SCN9A: variants seen among roughly 807,000 people sequenced by gnomAD.
SCN9A encodes the protein sodium channel protein type 9 subunit alpha.
SCN9A carries 131 observed loss-of-function variants against 187.0 expected under a neutral mutation model. The observed-to-expected ratio is 0.70, with a 90% CI of 0.61 to 0.81. The LOEUF (loss-of-function observed/expected upper bound fraction) is 0.81. Ranked by LOEUF, SCN9A falls within the 30% of genes least tolerant of loss-of-function variation. The pLI is 0.00. For synonymous variants in SCN9A, 809 were observed against 808.6 expected, an observed-to-expected ratio of 1.00 and a Z score of -0.01; for missense variants, 2,252 against 2,396.6, an observed-to-expected ratio of 0.94 and a Z score of 1.26.
At chr2:166,335,492 C>A (rs1045490767) in intron 1 of SCN9A, among the ~76,000 whole-genome samples, 1 of 152,108 alleles carries the variant, frequency 6.6e-6, no homozygotes, top group Non-Finnish European at 1.5e-5. Context: ...TTAGTGTGGA[C>A]ACTGGAGTAA....
chr2:166,199,214 G>C lies in SCN9A; in HGVS notation c.5425C>G (p.Leu1809Val), dbSNP rs199954555. 5.0e-6 allele frequency: 8 copies of C among 1,614,044 alleles called. No individual in the cohort carries two copies. Among genetic ancestry groups the C allele is most frequent in the Non-Finnish European group, 6.8e-6 (8 of 1,180,044 alleles). The part of the protein sequence containing the change: ...FSKLSDFAAA[L>V]DPPLLIAKPN... Reference sequence around the variant, plus strand: ...TTTGCTATGAGAAGAGGAGGATCCAGGGCAGCTGCAAAATCAGAGAGTTTA... The same window carrying C: ...TTTGCTATGAGAAGAGGAGGATCCACGGCAGCTGCAAAATCAGAGAGTTTA... Residue 1809 changes from leucine to valine, a missense_variant, in exon 27 of 27, where the codon CTG becomes GTG. Physicochemically the swap from Leu to Val is conservative, Grantham distance 32 (BLOSUM62 1). Transcript: ENST00000642356.
chr2:166,299,970 CA>C (rs759836705), intron 7 of SCN9A, among the ~76,000 whole-genome samples: 6 of 150,792 alleles, frequency 4.0e-5, no homozygotes, highest in Non-Finnish European at 8.8e-5. Flanking sequence ...GCAAGCTCTA[CA>C]GACTTTGTAT....
At chr2:166,294,906 C>A (rs1381262161) in intron 7 of SCN9A, among the ~76,000 whole-genome samples, 5 of 151,978 alleles carry the variant, frequency 3.3e-5, no homozygotes, top group Admixed American at 1.3e-4. Flanking sequence ...TTTTATGAGA[C>A]CTCCTTTATG....
chr2:166,315,560 G>A (rs1407465856), intron 1 of SCN9A, among the ~76,000 whole-genome samples: 1 of 152,214 alleles, frequency 6.6e-6, no homozygotes, highest in Non-Finnish European at 1.5e-5. Context: ...TGAAATGGAA[G>A]TTGAAGAGAC....
chr2:166,276,909 A>G lies in SCN9A; in HGVS notation c.2874+74T>C, dbSNP rs183996597. Reference sequence around the variant, plus strand: ...TAGATATAATTAATTATAAAATTATAAAAATAATAGATCACATCATCACAA... The same window carrying G: ...TAGATATAATTAATTATAAAATTATGAAAATAATAGATCACATCATCACAA... On this transcript the variant is annotated intron_variant, in intron 16 of 26. Coordinates refer to ENST00000642356, the MANE Select transcript of SCN9A (RefSeq NM_001365536.1). The G allele has an allele frequency of 3.3e-5, 37 of 1,112,030 alleles. No homozygotes were observed. In the Admixed American group the frequency reaches 9.9e-4, roughly 30 times the overall value. The allele number at this position is 1,112,030 out of a possible 1,614,324, so 68.9% of individuals were successfully genotyped here.
chr2:166,196,145 C>T lies in SCN9A; in HGVS notation c.*2527G>A, dbSNP rs905674994. Reference sequence around the variant, plus strand: ...GTATTGTTGGGTGTAATAAGTTCAGCGATTATAAAATTTAAATATTAATAT... The same window carrying T: ...GTATTGTTGGGTGTAATAAGTTCAGTGATTATAAAATTTAAATATTAATAT... On this transcript the variant is annotated 3_prime_UTR_variant, in exon 27 of 27. Coordinates refer to ENST00000642356, the MANE Select transcript of SCN9A (RefSeq NM_001365536.1). 6 of 151,880 alleles carry T rather than the reference C, an allele frequency of 4.0e-5. No individual in the cohort carries two copies. Among genetic ancestry groups the T allele is most frequent in the South Asian group, 2.1e-4 (1 of 4,816 alleles). 9.4% of individuals were successfully genotyped at this position (151,880 alleles called of 1,614,324 possible).
chr2:166,283,612 C>T (rs115439062), intron 12 of SCN9A, among the ~76,000 whole-genome samples: 1 of 152,138 alleles, frequency 6.6e-6, no homozygotes, highest in Non-Finnish European at 1.5e-5. Context: ...TTTGGAACTG[C>T]TGTAAAATGA....
chr2:166,338,727 T>A (rs1699692514), intron 1 of SCN9A, among the ~76,000 whole-genome samples: 1 of 152,202 alleles, frequency 6.6e-6, no homozygotes, highest in Non-Finnish European at 1.5e-5. Flanking sequence ...AGAACTTCAA[T>A]TGTTTTCTTT....
chr2:166,313,467 T>A (rs911218935), intron 1 of SCN9A, among the ~76,000 whole-genome samples: 4 of 152,210 alleles, frequency 2.6e-5, no homozygotes, highest in Non-Finnish European at 5.9e-5. Context: ...CTTGCATTTT[T>A]ATGTTATGGC....
intron 17 of SCN9A, among the ~76,000 whole-genome samples, chr2:166,269,841 G>A (rs529021047): frequency 6.6e-6 from 1 of 152,014 alleles, no homozygotes; most frequent in Non-Finnish European, 1.5e-5. Context: ...ACTTTCCCCA[G>A]CTCCTGAAGT....
At chr2:166,345,032 T>C (rs920360199) in intron 1 of SCN9A, among the ~76,000 whole-genome samples, 2 of 152,148 alleles carry the variant, frequency 1.3e-5, no homozygotes, top group Non-Finnish European at 2.9e-5. Context: ...GATTTTATTG[T>C]GAATATACCC....
intron 26 of SCN9A, among the ~76,000 whole-genome samples, chr2:166,201,212 A>G (rs1466320278): frequency 7.1e-6 from 1 of 141,172 alleles, no homozygotes; most frequent in Non-Finnish European, 1.5e-5. Context: ...CATACTATAT[A>G]TATACACATA....
At chr2:166,216,969 T>C (rs1303166894) in intron 24 of SCN9A, among the ~76,000 whole-genome samples, 1 of 152,012 alleles carries the variant, frequency 6.6e-6, no homozygotes, top group African/African-American at 2.4e-5. Flanking sequence ...CAATACTCTG[T>C]CATTTCAAAA....
At chr2:166,283,572 T>C (rs1697589986) in intron 12 of SCN9A, among the ~76,000 whole-genome samples, 1 of 152,198 alleles carries the variant, frequency 6.6e-6, no homozygotes, top group Admixed American at 6.5e-5. Context: ...ATCAGACACC[T>C]TTCTCTAACC....
chr2:166,350,017 A>T (rs1043015696), intron 1 of SCN9A, among the ~76,000 whole-genome samples: 1 of 151,578 alleles, frequency 6.6e-6, no homozygotes, highest in Non-Finnish European at 1.5e-5. Context: ...AATAAAATTA[A>T]CATGCTTGGT....
At chr2:166,239,130 T>C (rs1386042552) in intron 19 of SCN9A, among the ~76,000 whole-genome samples, 2 of 150,306 alleles carry the variant, frequency 1.3e-5, no homozygotes, top group Admixed American at 6.7e-5. Context: ...TGACAAAGAA[T>C]TTGAAAGGAC....
rs1245649359 is a variant in SCN9A at position 166,281,722 on chromosome 2, C to G, written c.2061G>C (p.Gln687His). 3 of 1,613,376 alleles carry G rather than the reference C, an allele frequency of 1.9e-6. No homozygotes were observed. The highest frequency in any genetic ancestry group is 2.5e-6 in the Non-Finnish European group (3 of 1,179,544). The stretch of plus-strand genomic sequence containing the variant: ...ATATGCTTGCTCTACTCATTGCTCT[C>G]TGTCTGAGGTTGGGATCATTCAGCA... ...EDMLNDPNLR[Q>H]RAMSRASILT... is the part of the protein sequence containing the mutation. Residue 687 changes from glutamine (Q) to histidine (H), a missense_variant, in exon 13 of 27, where the codon CAG becomes CAC. Coordinates refer to ENST00000642356, the MANE Select transcript of SCN9A (RefSeq NM_001365536.1).
At chr2:166,208,321 C>T (rs1369947252) in intron 24 of SCN9A, among the ~76,000 whole-genome samples, 1 of 152,162 alleles carries the variant, frequency 6.6e-6, no homozygotes, top group East Asian at 1.9e-4. Flanking sequence ...ACCACCTCAT[C>T]ATTATAAGAG....
Position 166,294,669 on chromosome 2 carries a change from A to T in SCN9A, c.902-7T>A. On this transcript the variant is annotated splice_region_variant and splice_polypyrimidine_tract_variant and intron_variant, in intron 7 of 26. Transcript: ENST00000642356. ...TCCAAGTAATAAAAATATTCTGTTG[A>T]AGAAGAATTTGAACAGTTATAACAT... The T allele has an allele frequency of 6.3e-7, 1 of 1,596,564 alleles. No individual in the cohort carries two copies. The highest frequency in any genetic ancestry group is 8.6e-7 in the Non-Finnish European group (1 of 1,168,844).
Sources: allele counts gnomAD v4.1 joint callset (sites outside exome capture counted in the v4.1 genomes callset), GRCh38; gene constraint gnomAD v4.1.1; transcripts MANE v1.5; gene names NCBI Gene and HGNC (gene_info 2026-07-23, HGNC 2026-07-21).